ZNF695: variants seen among roughly 807,000 people sequenced by gnomAD.
ZNF695 encodes zinc finger protein 695.
Under a neutral mutation model 11.2 loss-of-function variants are expected in ZNF695, and 11 were observed. That is an observed-to-expected ratio of 0.98 (90% CI 0.62 to 1.62). The LOEUF (loss-of-function observed/expected upper bound fraction) is 1.62. Among genes scored for constraint, ZNF695 ranks in the 40% most tolerant of loss-of-function variants. The pLI, the probability that ZNF695 is intolerant of heterozygous loss-of-function variation, is 0.00. For missense variants in ZNF695, 559 were observed against 590.5 expected (o/e 0.95, Z 0.55); for synonymous variants, 190 against 201.4 (o/e 0.94, Z 0.48).
At chr1:246,998,947 G>A (rs1233751647) in intron 3 of ZNF695, among the ~76,000 whole-genome samples, 2 of 151,274 alleles carry the variant, frequency 1.3e-5, no homozygotes, top group Admixed American at 6.6e-5. Context: ...CAGCCTGGGC[G>A]ACAGAACGAG....
intron 5 of ZNF695, among the ~76,000 whole-genome samples, chr1:246,963,109 C>T (rs888275273): frequency 1.1e-4 from 17 of 152,286 alleles, no homozygotes; most frequent in South Asian, 8.3e-4. Context: ...TGTCCATTTC[C>T]GATCATGTCA....
chr1:246,996,862 C>A lies in ZNF695; in HGVS notation c.259+2486G>T, dbSNP rs1174930179. Among the ~76,000 whole-genome samples the A allele has an allele frequency of 2.5e-4, 38 of 152,030 alleles. 1 individual carries two copies. The highest frequency in any genetic ancestry group is 2.5e-3 in the Admixed American group (38 of 15,268). The stretch of plus-strand genomic sequence containing the variant: ...AGAATGGTGTTTCTAAAGGGCCAGG[C>A]AAATACACACACACGTCATAAAGAA... On this transcript the variant is annotated intron_variant, in intron 3 of 3. Transcript: ENST00000339986.
chr1:246,948,033 C>T (rs1421952538), intron 5 of ZNF695, among the ~76,000 whole-genome samples: 1 of 152,008 alleles, frequency 6.6e-6, no homozygotes, highest in Non-Finnish European at 1.5e-5. Flanking sequence ...TGTCTCCACA[C>T]TCATTACCTG....
rs777320781 is a variant in ZNF695, at chr1:246,987,896, T to C, written c.619A>G (p.Ile207Val). 6.2e-7 allele frequency: 1 copy of C among 1,609,318 alleles called. No individual in the cohort carries two copies. The highest frequency in any genetic ancestry group is 1.7e-5 in the Admixed American group (1 of 58,782). ...LIMTQQQRIH[I>V]GENPYQCKKC... ...TTACATTGGTACGGGTTCTCTCCAA[T>C]ATGGATTCTCTGCTGTTGAGTCATT... Residue 207 changes from isoleucine (I) to valine (V), a missense_variant, in exon 4 of 4, where the codon ATT (isoleucine) becomes GTT (valine). Coordinates refer to ENST00000339986, the MANE Select transcript of ZNF695 (RefSeq NM_020394.5).
chr1:246,990,023 G>GA (rs554018742), intron 3 of ZNF695, among the ~76,000 whole-genome samples: 1 of 4,248 alleles, frequency 2.4e-4, no homozygotes, highest in South Asian at 4.5e-3. Flanking sequence ...GGGAGAAAGG[G>GA]GAAAGGGAAA....
chr1:246,974,602 A>G (rs1388503275), intron 4 of ZNF695, among the ~76,000 whole-genome samples: 2 of 152,264 alleles, frequency 1.3e-5, no homozygotes, highest in African/African-American at 4.8e-5. Context: ...TAGATATGAT[A>G]CTATAAAAGA....
intron 5 of ZNF695, among the ~76,000 whole-genome samples, chr1:246,962,724 G>A (rs1352820979): frequency 6.7e-5 from 10 of 148,660 alleles, no homozygotes; most frequent in Non-Finnish European, 7.4e-5. Context: ...ACGGAGTCTC[G>A]CTCTGTCACC....
intron 5 of ZNF695, among the ~76,000 whole-genome samples, chr1:246,962,818 G>A (rs970856917): frequency 9.2e-5 from 14 of 151,392 alleles, no homozygotes; most frequent in African/African-American, 2.7e-4. Context: ...TCAGCCTCCC[G>A]AGTAGTTGGG....
At chr1:246,984,034 C>T (rs1370290470), downstream of ZNF695, among the ~76,000 whole-genome samples, 2 of 150,796 alleles carry the variant, frequency 1.3e-5, no homozygotes, top group Non-Finnish European at 3.0e-5. Flanking sequence ...CACTTCTAGT[C>T]CCAGCTACTC....
intron 1 of ZNF695, among the ~76,000 whole-genome samples, chr1:247,006,479 C>T (rs1669544576): frequency 6.6e-6 from 1 of 151,908 alleles, no homozygotes; most frequent in African/African-American, 2.4e-5. Flanking sequence ...GGCATGGTGG[C>T]GCCTGCCTGT....
intron 4 of ZNF695, among the ~76,000 whole-genome samples, chr1:246,976,516 C>T (rs115929489): frequency 0.021 from 3,212 of 152,154 alleles, 99 homozygotes; most frequent in South Asian, 0.11. Context: ...TTACACTGGC[C>T]GGGCGCGGTG....
exon 5 of ZNF695, chr1:246,967,712 A>G (rs765851062): frequency 1.0e-5 from 4 of 398,926 alleles, no homozygotes; most frequent in South Asian, 5.6e-5. Flanking sequence ...TGGGCTTTAC[A>G]TGCTTCTGCT....
At chr1:246,959,708 G>A (rs1407326622) in intron 5 of ZNF695, among the ~76,000 whole-genome samples, 2 of 152,002 alleles carry the variant, frequency 1.3e-5, no homozygotes, top group African/African-American at 2.4e-5. Flanking sequence ...TTACAGGTGT[G>A]AGCCACCGTG....
At chr1:246,977,812 T>C (rs1020023245) in intron 4 of ZNF695, among the ~76,000 whole-genome samples, 2 of 152,192 alleles carry the variant, frequency 1.3e-5, no homozygotes, top group East Asian at 1.9e-4. Context: ...TGCAGTGACC[T>C]TATAGTGTGC....
At chr1:246,980,067 T>C (rs1407670529) in intron 4 of ZNF695, 2 of 150,330 alleles carry the variant, frequency 1.3e-5, no homozygotes, top group Non-Finnish European at 2.9e-5. Flanking sequence ...TAGTCCCAGC[T>C]ACTCAGGAGG....
chr1:246,993,699 A>C (rs1669110402), intron 3 of ZNF695, among the ~76,000 whole-genome samples: 1 of 152,198 alleles, frequency 6.6e-6, no homozygotes, highest in African/African-American at 2.4e-5. Flanking sequence ...ATCTTTAAAA[A>C]CTCAAAATAA....
rs1474200274 is a variant in ZNF695, at chr1:246,976,810, A to G, written c.391-9018T>C. On this transcript the variant is annotated intron_variant, in intron 4 of 5. Coordinates refer to the ZNF695 transcript ENST00000487338. ...CTCCGTCTCAAATAAATAAATAAAT[A>G]AATAAATAACACTGAATTTATCCTG... is the stretch of plus-strand genomic sequence containing the variant. Among the ~76,000 whole-genome samples, 4 of 152,196 alleles carry G rather than the reference A, an allele frequency of 2.6e-5. No homozygotes were observed. In the South Asian group the frequency reaches 6.2e-4, roughly 24 times the overall value.
chr1:246,967,604 C>T (rs1205344896), intron 5 of ZNF695: 1 of 390,418 alleles, frequency 2.6e-6, no homozygotes, highest in Non-Finnish European at 5.1e-6. Context: ...GAGTTTTGAC[C>T]TGGCCTTGTG....
intron 4 of ZNF695, among the ~76,000 whole-genome samples, chr1:246,975,564 C>T (rs758872224): frequency 1.3e-5 from 2 of 152,086 alleles, no homozygotes; most frequent in Non-Finnish European, 2.9e-5. Flanking sequence ...TACAGTGCTT[C>T]GAACTTAAGT....
Sources: gnomAD v4.1 joint callset for allele counts (sites outside exome capture counted in the v4.1 genomes callset) on GRCh38, gnomAD v4.1.1 for gene constraint, MANE v1.5 for transcripts, NCBI Gene and HGNC (gene_info 2026-07-23, HGNC 2026-07-21) for gene names.